The following HDAC9 variants were observed in gnomAD, a reference collection of about 807,000 sequenced individuals.
HDAC9 encodes the protein histone deacetylase 9.
In HDAC9, 41 loss-of-function variants were observed where a neutral mutation model predicts 139.4. The observed-to-expected ratio is 0.29, with a 90% CI of 0.23 to 0.38. HDAC9 has a LOEUF of 0.38. Ranked by LOEUF, HDAC9 falls within the 10% of genes least tolerant of loss-of-function variation. The pLI, the probability that HDAC9 is intolerant of heterozygous loss-of-function variation, is 1.00. For synonymous variants in HDAC9, 517 were observed against 476.2 expected (o/e 1.09, Z -1.12); for missense variants, 1,147 against 1,297.0 (o/e 0.88, Z 1.78).
intron 1 of HDAC9, among the ~76,000 whole-genome samples, chr7:18,489,515 T>C (rs1289354222): frequency 6.6e-6 from 1 of 151,986 alleles, no homozygotes; most frequent in Admixed American, 6.6e-5. Context: ...GCTTATAAAT[T>C]AAAATTTAGG....
intron 22 of HDAC9, among the ~76,000 whole-genome samples, chr7:18,922,913 A>C (rs1384531700): frequency 6.6e-6 from 1 of 152,094 alleles, no homozygotes; most frequent in Non-Finnish European, 1.5e-5. Flanking sequence ...GAGAGGGTTT[A>C]AGCAGCTGGC....
intron 1 of HDAC9, among the ~76,000 whole-genome samples, chr7:18,106,151 C>T (rs967302864): frequency 2.0e-5 from 3 of 152,058 alleles, no homozygotes; most frequent in African/African-American, 7.2e-5. Context: ...TGGCTGTATA[C>T]CTCTGTGAAT....
At chr7:18,890,792 A>T (rs534669261) in intron 22 of HDAC9, among the ~76,000 whole-genome samples, 13 of 152,352 alleles carry the variant, frequency 8.5e-5, no homozygotes, top group African/African-American at 2.9e-4. Flanking sequence ...GTAACATAGA[A>T]ACTTATCTTT....
intron 22 of HDAC9, among the ~76,000 whole-genome samples, chr7:18,880,642 G>A (rs1259263352): frequency 6.6e-6 from 1 of 152,024 alleles, no homozygotes; most frequent in Non-Finnish European, 1.5e-5. Context: ...AGATACTGGG[G>A]TCTACTTGAG....
intron 1 of HDAC9, among the ~76,000 whole-genome samples, chr7:18,375,615 C>T (rs1784938679): frequency 6.6e-6 from 1 of 152,208 alleles, no homozygotes; most frequent in Non-Finnish European, 1.5e-5. Context: ...CACACTGGCA[C>T]TTCGCTGAGG....
At chr7:18,848,812 A>C (rs1797080519) in intron 21 of HDAC9, among the ~76,000 whole-genome samples, 1 of 152,196 alleles carries the variant, frequency 6.6e-6, no homozygotes, top group Admixed American at 6.5e-5. Context: ...TGGATACAAG[A>C]AATGTTAATA....
chr7:18,490,317 T>G (rs1388741704), intron 1 of HDAC9, among the ~76,000 whole-genome samples: 1 of 152,044 alleles, frequency 6.6e-6, no homozygotes, highest in African/African-American at 2.4e-5. Flanking sequence ...TCCCAGGTGA[T>G]TTTGATCCTC....
At chr7:18,749,603 A>G (rs1477793854) in intron 14 of HDAC9, among the ~76,000 whole-genome samples, 1 of 152,232 alleles carries the variant, frequency 6.6e-6, no homozygotes, top group Non-Finnish European at 1.5e-5. Context: ...TGATGTGTTT[A>G]TAACTTGATG....
At chr7:18,211,282 T>C (rs1243813428) in intron 2 of HDAC9, among the ~76,000 whole-genome samples, 1 of 152,196 alleles carries the variant, frequency 6.6e-6, no homozygotes, top group East Asian at 1.9e-4. Flanking sequence ...AGTTTCAACA[T>C]GACAAATCTG....
At chr7:18,362,868 T>A (rs1415364764) in intron 1 of HDAC9, among the ~76,000 whole-genome samples, 1 of 152,192 alleles carries the variant, frequency 6.6e-6, no homozygotes, top group African/African-American at 2.4e-5. Context: ...AAATATGCAC[T>A]GTTATATCTA....
At chr7:18,093,455 A>G (rs1334910806) in intron 1 of HDAC9, among the ~76,000 whole-genome samples, 1 of 152,212 alleles carries the variant, frequency 6.6e-6, no homozygotes, top group African/African-American at 2.4e-5. Context: ...ATACTGCAAG[A>G]TGAGGGTTAA....
intron 23 of HDAC9, among the ~76,000 whole-genome samples, chr7:18,944,570 TA>T (rs1044354715): frequency 6.6e-6 from 1 of 152,126 alleles, no homozygotes; most frequent in Non-Finnish European, 1.5e-5. Flanking sequence ...TTGTAAAATA[TA>T]ACAATTATAC....
chr7:18,551,675 A>G (rs986528214), intron 2 of HDAC9, among the ~76,000 whole-genome samples: 3 of 152,222 alleles, frequency 2.0e-5, no homozygotes, highest in African/African-American at 7.2e-5. Flanking sequence ...TTCTATTTTT[A>G]TACTGGAAAA....
chr7:18,952,821 T>TG (rs1314705999), intron 23 of HDAC9, among the ~76,000 whole-genome samples: 8 of 151,478 alleles, frequency 5.3e-5, no homozygotes, highest in African/African-American at 1.9e-4. Context: ...GGTGATGTTT[T>TG]TTTTTTTTTT....
At chr7:18,981,886 G>A (rs988657962) in intron 25 of HDAC9, among the ~76,000 whole-genome samples, 4 of 151,866 alleles carry the variant, frequency 2.6e-5, no homozygotes, top group African/African-American at 9.7e-5. Context: ...AAACAAACAT[G>A]AACAATCAAC....
chr7:18,263,805 G>T (rs1467069669), intron 2 of HDAC9, among the ~76,000 whole-genome samples: 2 of 151,978 alleles, frequency 1.3e-5, no homozygotes, highest in Non-Finnish European at 2.9e-5. Flanking sequence ...TTTAAGTAGA[G>T]ATGGGGTTTC....
At chr7:18,133,878 G>A (rs529808820) in intron 1 of HDAC9, among the ~76,000 whole-genome samples, 1 of 151,046 alleles carries the variant, frequency 6.6e-6, no homozygotes, top group Admixed American at 6.6e-5. Context: ...CTTGCTTGCA[G>A]TTATTCTTTA....
At chr7:18,098,896 A>T (rs772736518) in intron 1 of HDAC9, among the ~76,000 whole-genome samples, 1 of 152,164 alleles carries the variant, frequency 6.6e-6, no homozygotes, top group African/African-American at 2.4e-5. Flanking sequence ...ATGCCTCTCT[A>T]TGGTGAGAAG....
chr7:18,500,176 T>A (rs962373353), intron 2 of HDAC9, among the ~76,000 whole-genome samples: 1 of 152,126 alleles, frequency 6.6e-6, no homozygotes, highest in African/African-American at 2.4e-5. Flanking sequence ...TATTGTTATG[T>A]CCGTTAAGTA....
Sources: gnomAD v4.1 joint callset for allele counts (sites outside exome capture counted in the v4.1 genomes callset) on GRCh38, gnomAD v4.1.1 for gene constraint, MANE v1.5 for transcripts, NCBI Gene and HGNC (gene_info 2026-07-23, HGNC 2026-07-21) for gene names.